Variants in PIEZO2 observed in about 807,000 individuals in gnomAD.
The protein encoded by PIEZO2 is piezo type mechanosensitive ion channel component 2, also known as piezo-type mechanosensitive ion channel component 2.
PIEZO2 carries 172 observed loss-of-function variants against 337.3 expected under a neutral mutation model. The observed-to-expected ratio is 0.51, with a 90% confidence interval of 0.45 to 0.58. PIEZO2 has a LOEUF of 0.58. PIEZO2 is among the 20% of genes least tolerant of loss of function. The pLI, the probability that PIEZO2 is intolerant of heterozygous loss-of-function variation, is 0.00. For missense variants in PIEZO2, 3,028 were observed against 3,391.3 expected, an observed-to-expected ratio of 0.89 and a Z score of 2.66; for synonymous variants, 1,251 against 1,228.5, an observed-to-expected ratio of 1.02 and a Z score of -0.38.
intron 29 of PIEZO2, among the ~76,000 whole-genome samples, chr18:10,749,183 G>C (rs2037547088): frequency 6.6e-6 from 1 of 152,240 alleles, no homozygotes; most frequent in East Asian, 1.9e-4. Flanking sequence ...AAAAAGACTG[G>C]GTGTGGTGGT....
In PIEZO2 at chr18:10,745,535, G is replaced by T. The variant is rs943155273; in HGVS notation, c.4425-1304C>A. Among the ~76,000 whole-genome samples the T allele has an allele frequency of 2.0e-5, 3 of 152,186 alleles. 1 individual carries two copies. The highest frequency in any genetic ancestry group is 7.2e-5 in the African/African-American group (3 of 41,524). ...TCAAGGTCACCGATTTCAATGTTCA[G>T]TTGTTATTTTTGTCCTTATATAACC... On this transcript the variant is annotated intron_variant, in intron 30 of 55. Transcript: ENST00000674853.
In PIEZO2 at chr18:10,930,099, C is replaced by G. The variant is rs58992778; in HGVS notation, c.287-18871G>C. Among the ~76,000 whole-genome samples the G allele has an allele frequency of 1.4e-4, 21 of 152,170 alleles. 1 individual carries two copies. The highest frequency in any genetic ancestry group is 1.3e-3 in the Admixed American group (20 of 15,282). ...CATGACAGCAGGCCTTGAGGTACATCTAAGTATTTTACCTTGAAATATATT... is the reference window on the plus strand; with the variant it reads ...CATGACAGCAGGCCTTGAGGTACATGTAAGTATTTTACCTTGAAATATATT... On this transcript the variant is annotated intron_variant, in intron 3 of 55. Transcript: ENST00000674853.
chr18:10,907,146 G>A (rs1400578987), intron 4 of PIEZO2, among the ~76,000 whole-genome samples: 1 of 152,112 alleles, frequency 6.6e-6, no homozygotes, highest in South Asian at 2.1e-4. Context: ...ATTAATCATT[G>A]AATTAAGAAA....
At position 11,128,471 on chromosome 18, in the gene PIEZO2, C is replaced by T. The variant is rs1180140667; in HGVS notation, c.64+20054G>A. Among the ~76,000 whole-genome samples, 1 of 152,144 alleles carries T rather than the reference C, an allele frequency of 6.6e-6. No homozygotes were observed. Among genetic ancestry groups the T allele is most frequent in the Non-Finnish European group, 1.5e-5 (1 of 68,024 alleles). On this transcript the variant is annotated intron_variant, in intron 1 of 55. Transcript: ENST00000674853. The surrounding 1 kb of genome is among the most constrained non-coding windows in gnomAD (Gnocchi z 4.1). ...TGGAATGGGGATGTGTGGGAGGACC[C>T]TGATGAAGCTGAGGACACTGAGTTT...
chr18:10,695,580 C>T (rs150988652), intron 47 of PIEZO2, among the ~76,000 whole-genome samples: 2 of 152,178 alleles, frequency 1.3e-5, no homozygotes, highest in African/African-American at 4.8e-5. Context: ...AGTTAACCCC[C>T]ACCAGTCTCC....
At chr18:10,944,908 C>G (rs991474228) in intron 3 of PIEZO2, among the ~76,000 whole-genome samples, 2 of 152,112 alleles carry the variant, frequency 1.3e-5, no homozygotes, top group Non-Finnish European at 2.9e-5. Context: ...GCAAAGCTAA[C>G]TGTTGCTACC....
At chr18:11,072,121 C>T (rs1457736467) in intron 1 of PIEZO2, among the ~76,000 whole-genome samples, 1 of 152,188 alleles carries the variant, frequency 6.6e-6, no homozygotes, top group Non-Finnish European at 1.5e-5. Context: ...TATGTCTCAT[C>T]CAGCACCCCT....
At position 11,143,906 on chromosome 18, in the gene PIEZO2, AT is replaced by A. The variant is rs2040740790; in HGVS notation, c.64+4618del. ...GTGCTGTGCACACTATCTCACAACCATGCATGTAATTCTTGAGTGTTAAAAG... is the reference window on the plus strand; with the variant it reads ...GTGCTGTGCACACTATCTCACAACCAGCATGTAATTCTTGAGTGTTAAAAG... On this transcript the variant is annotated intron_variant, in intron 1 of 55. Coordinates refer to ENST00000674853, the MANE Select transcript of PIEZO2 (RefSeq NM_001378183.1). This position sits in a 1 kb window ranked among gnomAD's most constrained non-coding sequence, Gnocchi z 4.9. Among the ~76,000 whole-genome samples, 1 of 152,238 alleles carries A rather than the reference AT, an allele frequency of 6.6e-6. No homozygotes were observed. Among genetic ancestry groups the A allele is most frequent in the African/African-American group, 2.4e-5 (1 of 41,456 alleles).
intron 2 of PIEZO2, among the ~76,000 whole-genome samples, chr18:11,051,653 G>T (rs2037541655): frequency 1.3e-5 from 2 of 152,150 alleles, no homozygotes; most frequent in South Asian, 4.1e-4. Flanking sequence ...ACAATTTCCA[G>T]CAGAGAGTAA....
intron 1 of PIEZO2, among the ~76,000 whole-genome samples, chr18:11,071,260 GCAAGAA>G (rs1045582356): frequency 5.3e-5 from 8 of 152,174 alleles, no homozygotes; most frequent in Non-Finnish European, 1.0e-4. Flanking sequence ...TAGGTGATCT[GCAAGAA>G]CAAGAACAAG....
In PIEZO2 at chr18:11,097,387, G is replaced by C. The variant is rs1359893862; in HGVS notation, c.65-31165C>G. Among the ~76,000 whole-genome samples, 1 of 152,190 alleles carries C rather than the reference G, an allele frequency of 6.6e-6. No individual in the cohort carries two copies. The highest frequency in any genetic ancestry group is 1.5e-5 in the Non-Finnish European group (1 of 68,036). On this transcript the variant is annotated intron_variant, in intron 1 of 55. Transcript: ENST00000674853. The surrounding 1 kb of genome is among the most constrained non-coding windows in gnomAD (Gnocchi z 5.0). ...CTCACGACTGCAACAGAGCCGGCGT[G>C]CTGTGCAACGCCTGACTCATTAACT...
chr18:10,926,847 G>A (rs2031768785), intron 3 of PIEZO2, among the ~76,000 whole-genome samples: 1 of 152,198 alleles, frequency 6.6e-6, no homozygotes, highest in Non-Finnish European at 1.5e-5. Context: ...CTGTCACTGA[G>A]TAGGAAACAC....
chr18:10,701,837 T>C (rs948797631), intron 43 of PIEZO2, 152 bp downstream of exon 43: 51 of 536,264 alleles, frequency 9.5e-5, no homozygotes, highest in Middle Eastern at 5.0e-4. Context: ...TCTCTCTCTT[T>C]TTTTTTTTAA....
intron 3 of PIEZO2, among the ~76,000 whole-genome samples, chr18:10,966,866 C>T (rs184269412): frequency 6.6e-6 from 1 of 152,056 alleles, no homozygotes; most frequent in Non-Finnish European, 1.5e-5. Context: ...TGAGAACATA[C>T]AATGTTTGGT....
intron 2 of PIEZO2, among the ~76,000 whole-genome samples, chr18:11,065,401 T>C (rs1396828246): frequency 6.6e-6 from 1 of 152,186 alleles, no homozygotes; most frequent in Non-Finnish European, 1.5e-5. Flanking sequence ...AAAAAGACAA[T>C]TTACTAAATT....
chr18:11,014,059 C>A (rs1310432792), intron 2 of PIEZO2, among the ~76,000 whole-genome samples: 1 of 152,232 alleles, frequency 6.6e-6, no homozygotes, highest in Non-Finnish European at 1.5e-5. Context: ...CACTGTCCAC[C>A]CCGTCCTCTG....
At position 11,112,628 on chromosome 18, in the gene PIEZO2, T is replaced by TA. The variant is rs770311916; in HGVS notation, c.64+35896dup. Reference sequence around the variant, plus strand: ...GCTCACCAGGGTTGTAAAGAAGACTTACACACTTAGTCGTAAGTCAACAAT... The same window carrying TA: ...GCTCACCAGGGTTGTAAAGAAGACTTAACACACTTAGTCGTAAGTCAACAAT... On this transcript the variant is annotated intron_variant, in intron 1 of 55. Transcript: ENST00000674853. This position sits in a 1 kb window ranked among gnomAD's most constrained non-coding sequence, Gnocchi z 4.3. Among the ~76,000 whole-genome samples the TA allele has an allele frequency of 2.6e-5, 4 of 152,238 alleles. No homozygotes were observed. Among genetic ancestry groups the TA allele is most frequent in the African/African-American group, 4.8e-5 (2 of 41,472 alleles).
At chr18:10,706,828 C>T (rs2035606820) in intron 40 of PIEZO2, among the ~76,000 whole-genome samples, 1 of 152,098 alleles carries the variant, frequency 6.6e-6, no homozygotes, top group African/African-American at 2.4e-5. Flanking sequence ...GGGAGGGTGA[C>T]ATGTTAGACT....
chr18:10,726,542 A>C lies in PIEZO2; in HGVS notation c.5029+4865T>G, dbSNP rs535987176. On this transcript the variant is annotated intron_variant, in intron 36 of 55. Coordinates refer to ENST00000674853, the MANE Select transcript of PIEZO2 (RefSeq NM_001378183.1). This position sits in a 1 kb window ranked among gnomAD's most constrained non-coding sequence, Gnocchi z 5.9. The stretch of plus-strand genomic sequence containing the variant: ...GCGCGCTGCGCTGCTCTGCTCTGCT[A>C]CACCAGCCGCCACGCTGTGCGTCTG... 10 of 1,431,692 alleles carry C rather than the reference A, an allele frequency of 7.0e-6. No individual in the cohort carries two copies. The highest frequency in any genetic ancestry group is 2.9e-5 in the African/African-American group (2 of 69,440). 88.7% of individuals were successfully genotyped at this position (1,431,692 alleles called of 1,614,324 possible).
Sources: gnomAD v4.1 joint callset for allele counts (sites outside exome capture counted in the v4.1 genomes callset) on GRCh38, gnomAD v4.1.1 for gene constraint, Gnocchi (gnomAD v3.1) non-coding constraint, MANE v1.5 for transcripts, NCBI Gene and HGNC (gene_info 2026-07-23, HGNC 2026-07-21) for gene names.